The following R3HCC1L variants were observed in gnomAD, a reference collection of about 807,000 sequenced individuals.
The protein encoded by R3HCC1L is R3H domain and coiled-coil containing 1 like, also known as coiled-coil domain-containing protein R3HCC1L.
A neutral mutation model predicts 59.9 loss-of-function variants in R3HCC1L; 51 were observed. The observed-to-expected ratio is 0.85, with a 90% CI of 0.68 to 1.07. The LOEUF (loss-of-function observed/expected upper bound fraction) is 1.07, where lower values mean the gene tolerates loss of function less well. Among genes scored for constraint, R3HCC1L ranks in the 50% least tolerant of loss-of-function variants. R3HCC1L has a pLI of 0.00. For missense variants in R3HCC1L, 965 were observed against 933.0 expected (o/e 1.03, Z -0.45); for synonymous variants, 322 against 315.2 (o/e 1.02, Z -0.23).
intron 4 of R3HCC1L, among the ~76,000 whole-genome samples, chr10:98,177,325 C>T (rs1849134758): frequency 6.6e-6 from 1 of 152,148 alleles, no homozygotes; most frequent in African/African-American, 2.4e-5. Flanking sequence ...ATGATGGTTT[C>T]CAGCTTTATC....
At chr10:98,220,991 A>C (rs1346581014) in intron 5 of R3HCC1L, among the ~76,000 whole-genome samples, 2 of 146,680 alleles carry the variant, frequency 1.4e-5, no homozygotes, top group East Asian at 2.1e-4. Flanking sequence ...TTACAGTCCC[A>C]CCAACAGTGT....
chr10:98,145,734 A>C (rs1845587089), intron 1 of R3HCC1L, among the ~76,000 whole-genome samples: 1 of 152,166 alleles, frequency 6.6e-6, no homozygotes, highest in South Asian at 2.1e-4. Flanking sequence ...GCGGATCACG[A>C]GGTCAGGAGA....
chr10:98,202,579 C>T (rs529838398), intron 4 of R3HCC1L, among the ~76,000 whole-genome samples: 5 of 152,078 alleles, frequency 3.3e-5, no homozygotes, highest in South Asian at 2.1e-4. Flanking sequence ...GGGGGCCGGG[C>T]GCGGTGGCTC....
chr10:98,221,699 C>T (rs1465575837), intron 5 of R3HCC1L, among the ~76,000 whole-genome samples: 5 of 151,818 alleles, frequency 3.3e-5, no homozygotes, highest in Middle Eastern at 3.4e-3. Flanking sequence ...AGATATGCAG[C>T]GTTATTTCTG....
At position 98,208,705 on chromosome 10, in the gene R3HCC1L, A is replaced by G. The variant is rs1019476552; in HGVS notation, c.591A>G (p.Ala197=). Residue 197 remains alanine (A), a synonymous_variant, in exon 5 of 10, where the codon GCA becomes GCG. Coordinates refer to ENST00000298999, the MANE Select transcript of R3HCC1L (RefSeq NM_001351015.2). ...DFSRHEPDGE[A]FEDKDLEGRI... Reference sequence around the variant, plus strand: ...GTAGGCATGAACCTGATGGGGAAGCATTTGAAGACAAAGATTTGGAAGGCA... The same window carrying G: ...GTAGGCATGAACCTGATGGGGAAGCGTTTGAAGACAAAGATTTGGAAGGCA... 1 of 1,614,158 alleles carries G rather than the reference A, an allele frequency of 6.2e-7. No individual in the cohort carries two copies. Among genetic ancestry groups the G allele is most frequent in the Non-Finnish European group, 8.5e-7 (1 of 1,180,010 alleles).
chr10:98,180,330 C>T (rs1239491863), intron 4 of R3HCC1L, among the ~76,000 whole-genome samples: 2 of 152,176 alleles, frequency 1.3e-5, no homozygotes, highest in Non-Finnish European at 1.5e-5. Context: ...TAACGTCATT[C>T]AGGAGCAGGT....
intron 6 of R3HCC1L, among the ~76,000 whole-genome samples, chr10:98,234,004 G>C (rs925467804): frequency 4.6e-5 from 7 of 151,778 alleles, no homozygotes; most frequent in Non-Finnish European, 1.0e-4. Context: ...TTCTCTTTCT[G>C]TCTCTGTCCT....
intron 9 of R3HCC1L, among the ~76,000 whole-genome samples, chr10:98,237,403 C>T (rs1174963238): frequency 1.3e-5 from 2 of 152,074 alleles, no homozygotes; most frequent in Non-Finnish European, 2.9e-5. Context: ...CTCCCTTTGC[C>T]ATGTTATCAT....
chr10:98,135,815 A>G (rs560264397), intron 1 of R3HCC1L, among the ~76,000 whole-genome samples: 21 of 152,226 alleles, frequency 1.4e-4, no homozygotes, highest in Non-Finnish European at 2.8e-4. Context: ...AGCATAAAGC[A>G]GTAAACGTTC....
At chr10:98,158,335 A>T (rs1383973841) in intron 2 of R3HCC1L, among the ~76,000 whole-genome samples, 2 of 152,210 alleles carry the variant, frequency 1.3e-5, no homozygotes, top group South Asian at 2.1e-4. Context: ...TCTCATTAAT[A>T]ATATCTAACT....
rs541476321 is a variant in R3HCC1L at position 98,177,191 on chromosome 10, C to G, written c.-15+13794C>G. ...GCTATCCCTCCCCCATCACCCCACC[C>G]CACAACAGGCCCCAGTGTGTGATGT... On this transcript the variant is annotated intron_variant, in intron 4 of 9. Coordinates refer to ENST00000298999, the MANE Select transcript of R3HCC1L (RefSeq NM_001351015.2). 7.2e-5 allele frequency among the ~76,000 whole-genome samples: 11 copies of G among 152,196 alleles called. 1 individual carries two copies. The South Asian group carries it at 2.3e-3, about 32-fold the overall frequency.
At chr10:98,232,415 C>T (rs902290578) in intron 6 of R3HCC1L, among the ~76,000 whole-genome samples, 5 of 152,136 alleles carry the variant, frequency 3.3e-5, no homozygotes, top group African/African-American at 1.2e-4. Context: ...GGTTTGAGAA[C>T]ACTTGCACTA....
intron 5 of R3HCC1L, among the ~76,000 whole-genome samples, chr10:98,230,157 T>C (rs2135597758): frequency 6.6e-6 from 1 of 152,358 alleles, no homozygotes; most frequent in South Asian, 2.1e-4. Context: ...GAAGGAATGG[T>C]ATCAGCTCCT....
At chr10:98,227,634 A>G (rs1329918093) in intron 5 of R3HCC1L, among the ~76,000 whole-genome samples, 1 of 150,124 alleles carries the variant, frequency 6.7e-6, no homozygotes, top group Non-Finnish European at 1.5e-5. Flanking sequence ...CACAACGTGC[A>G]GGTTTGTTAC....
intron 1 of R3HCC1L, among the ~76,000 whole-genome samples, chr10:98,153,790 A>C (rs1474005789): frequency 7.0e-6 from 1 of 143,082 alleles, no homozygotes; most frequent in East Asian, 2.1e-4. Flanking sequence ...TTAAAGAATA[A>C]ACTGTTTTAC....
chr10:98,187,580 T>C (rs1306790140), intron 4 of R3HCC1L, among the ~76,000 whole-genome samples: 1 of 152,162 alleles, frequency 6.6e-6, no homozygotes, highest in Non-Finnish European at 1.5e-5. Context: ...AGCTTAAGTC[T>C]GGCTCCGGTT....
At chr10:98,144,831 C>G (rs1463473206) in intron 1 of R3HCC1L, among the ~76,000 whole-genome samples, 2 of 152,014 alleles carry the variant, frequency 1.3e-5, no homozygotes, top group African/African-American at 4.8e-5. Flanking sequence ...GTTATTTAGG[C>G]CTAATGGAGG....
intron 5 of R3HCC1L, among the ~76,000 whole-genome samples, chr10:98,229,192 C>T (rs1342879915): frequency 5.9e-5 from 9 of 151,978 alleles, no homozygotes; most frequent in South Asian, 2.1e-4. Context: ...GCCATTTTCA[C>T]GATATTGATT....
At chr10:98,178,841 C>A (rs1306267604) in intron 4 of R3HCC1L, among the ~76,000 whole-genome samples, 1 of 152,148 alleles carries the variant, frequency 6.6e-6, no homozygotes, top group Non-Finnish European at 1.5e-5. Context: ...AATGGGAGTT[C>A]ACTCATGATT....
Sources: gnomAD v4.1 joint callset for allele counts (sites outside exome capture counted in the v4.1 genomes callset) on GRCh38, gnomAD v4.1.1 for gene constraint, MANE v1.5 for transcripts, NCBI Gene and HGNC (gene_info 2026-07-23, HGNC 2026-07-21) for gene names.